Variants in ADCY2 observed in about 807,000 individuals in gnomAD.
The protein encoded by ADCY2 is adenylate cyclase 2, also known as adenylate cyclase type 2.
In ADCY2, 31 loss-of-function variants were observed where a neutral mutation model predicts 125.2. The observed-to-expected ratio is 0.25, with a 90% CI of 0.19 to 0.33. ADCY2 has a LOEUF of 0.33. Among genes scored for constraint, ADCY2 ranks in the 10% least tolerant of loss-of-function variants. The probability of loss-of-function intolerance (pLI) is 1.00; values close to 1 mark genes in which losing one functional copy is unlikely to be tolerated. For synonymous variants in ADCY2, 512 were observed against 548.4 expected (o/e 0.93, Z 0.93); for missense variants, 904 against 1,418.2 (o/e 0.64, Z 5.82).
chr5:7,451,489 T>A (rs751653494), intron 2 of ADCY2, among the ~76,000 whole-genome samples: 11 of 152,220 alleles, frequency 7.2e-5, no homozygotes, highest in Non-Finnish European at 1.3e-4. Context: ...TTCTTATGGA[T>A]GAGCAAAGTA....
intron 2 of ADCY2, among the ~76,000 whole-genome samples, chr5:7,444,401 C>T (rs6871528): frequency 0.74 from 111,776 of 151,320 alleles, 41,857 homozygotes; most frequent in Non-Finnish European, 0.81. Flanking sequence ...AGGTGTGAGC[C>T]ACCGCGCCGG....
chr5:7,655,530 C>T (rs1739290128), intron 4 of ADCY2, among the ~76,000 whole-genome samples: 1 of 152,214 alleles, frequency 6.6e-6, no homozygotes, highest in Admixed American at 6.5e-5. Flanking sequence ...GGACTAATTC[C>T]TCCTTCCTCC....
intron 4 of ADCY2, among the ~76,000 whole-genome samples, chr5:7,630,166 G>A (rs1738268767): frequency 6.6e-6 from 1 of 152,098 alleles, no homozygotes; most frequent in African/African-American, 2.4e-5. Context: ...CTTTCTGGCT[G>A]TAGTCTTTCT....
At chr5:7,435,917 T>C (rs1459010193) in intron 2 of ADCY2, among the ~76,000 whole-genome samples, 1 of 152,222 alleles carries the variant, frequency 6.6e-6, no homozygotes, top group Non-Finnish European at 1.5e-5. Context: ...GAAGGCACTG[T>C]AAAATTTTAG....
chr5:7,770,911 T>G (rs1429035303), intron 17 of ADCY2, among the ~76,000 whole-genome samples: 1 of 152,182 alleles, frequency 6.6e-6, no homozygotes, highest in African/African-American at 2.4e-5. Context: ...AATGGTGAAT[T>G]ACCAGCAAAA....
intron 4 of ADCY2, among the ~76,000 whole-genome samples, chr5:7,687,066 A>C (rs1388759610): frequency 1.3e-5 from 2 of 152,226 alleles, no homozygotes; most frequent in Non-Finnish European, 2.9e-5. Context: ...GCTGGGTGGC[A>C]GTTACCAACG....
intron 2 of ADCY2, among the ~76,000 whole-genome samples, chr5:7,463,273 C>A (rs1207963656): frequency 6.6e-6 from 1 of 152,166 alleles, no homozygotes; most frequent in Non-Finnish European, 1.5e-5. Flanking sequence ...TCTCTGCTAA[C>A]ACTGCCCCTC....
At position 7,815,073 on chromosome 5, in the gene ADCY2, G is replaced by T. The variant is rs75501144; in HGVS notation, c.2884-1793G>T. On this transcript the variant is annotated intron_variant, in intron 22 of 24. Coordinates refer to ENST00000338316, the MANE Select transcript of ADCY2 (RefSeq NM_020546.3). ...CACATTCACGATCCTTCCTGGGTGC[G>T]TGCTTCTCGAATGCACAGCGGTCAG... Among the ~76,000 whole-genome samples the T allele has an allele frequency of 1.7e-3, 263 of 152,180 alleles. 1 individual carries two copies. Among genetic ancestry groups the T allele is most frequent in the African/African-American group, 5.9e-3 (243 of 41,522 alleles).
intron 3 of ADCY2, among the ~76,000 whole-genome samples, chr5:7,587,126 T>C (rs1229383454): frequency 6.6e-6 from 1 of 152,114 alleles, no homozygotes; most frequent in African/African-American, 2.4e-5. Flanking sequence ...CCAAACCCTT[T>C]CCTGCCCAGG....
At chr5:7,780,207 G>T (rs1443212596) in intron 18 of ADCY2, among the ~76,000 whole-genome samples, 1 of 152,216 alleles carries the variant, frequency 6.6e-6, no homozygotes, top group Non-Finnish European at 1.5e-5. Flanking sequence ...CTTAACCTCA[G>T]ATTAGTTTTC....
chr5:7,409,345 T>A (rs1352611245), intron 1 of ADCY2, among the ~76,000 whole-genome samples: 1 of 152,214 alleles, frequency 6.6e-6, no homozygotes, highest in Non-Finnish European at 1.5e-5. Context: ...TTCAAGTTTC[T>A]TCTGTATCAA....
At chr5:7,753,048 G>A (rs561187928) in intron 15 of ADCY2, among the ~76,000 whole-genome samples, 26 of 151,918 alleles carry the variant, frequency 1.7e-4, no homozygotes, top group South Asian at 1.5e-3. Context: ...ACAGGCACCC[G>A]CCACCACACC....
At chr5:7,661,603 T>A (rs1173406163) in intron 4 of ADCY2, among the ~76,000 whole-genome samples, 3 of 152,254 alleles carry the variant, frequency 2.0e-5, no homozygotes, top group African/African-American at 7.2e-5. Context: ...AATGATTCAA[T>A]GATGTAATAC....
intron 5 of ADCY2, among the ~76,000 whole-genome samples, chr5:7,694,730 A>G (rs963091655): frequency 6.6e-6 from 1 of 152,240 alleles, no homozygotes; most frequent in African/African-American, 2.4e-5. Flanking sequence ...TACTACAGCT[A>G]TGAACATTCA....
At chr5:7,555,854 GCA>G (rs58926524) in intron 3 of ADCY2, among the ~76,000 whole-genome samples, 5,962 of 142,170 alleles carry the variant, frequency 0.042, 142 homozygotes, top group South Asian at 0.082. Flanking sequence ...ACATGTGAGC[GCA>G]CACACACACA....
intron 3 of ADCY2, chr5:7,611,201 G>T (rs549776940): frequency 6.6e-6 from 1 of 152,230 alleles, no homozygotes; most frequent in Non-Finnish European, 1.5e-5. Context: ...TGCTGCTTTT[G>T]TTTAATTTTA....
At chr5:7,490,929 A>T (rs1175515054) in intron 2 of ADCY2, among the ~76,000 whole-genome samples, 2 of 152,228 alleles carry the variant, frequency 1.3e-5, no homozygotes, top group African/African-American at 4.8e-5. Flanking sequence ...AGAAACTCTG[A>T]AAATGAAATA....
chr5:7,594,977 C>T (rs553882627), intron 3 of ADCY2, among the ~76,000 whole-genome samples: 1 of 152,318 alleles, frequency 6.6e-6, no homozygotes, highest in African/African-American at 2.4e-5. Flanking sequence ...GTTCATGCTT[C>T]TCTAAGCCAA....
At chr5:7,775,010 C>T (rs934977595) in intron 18 of ADCY2, among the ~76,000 whole-genome samples, 11 of 152,042 alleles carry the variant, frequency 7.2e-5, no homozygotes, top group African/African-American at 2.7e-4. Context: ...ACACTTTTTA[C>T]TTATTTATTT....
Sources: gnomAD v4.1 joint callset for allele counts (sites outside exome capture counted in the v4.1 genomes callset) on GRCh38, gnomAD v4.1.1 for gene constraint, MANE v1.5 for transcripts, NCBI Gene and HGNC (gene_info 2026-07-23, HGNC 2026-07-21) for gene names.